Variants in PPM1B observed in about 807,000 individuals in gnomAD.
PPM1B encodes the protein protein phosphatase, Mg2+/Mn2+ dependent 1B, also known as protein phosphatase 1B.
PPM1B carries 22 observed loss-of-function variants against 43.0 expected under a neutral mutation model. That is an observed-to-expected ratio of 0.51 (90% CI 0.37 to 0.73). The LOEUF is 0.73. PPM1B is among the 30% of genes least tolerant of loss of function. The pLI is 0.00. For missense variants in PPM1B, 632 were observed against 584.2 expected, an observed-to-expected ratio of 1.08 and a Z score of -0.84; for synonymous variants, 217 against 197.9, an observed-to-expected ratio of 1.10 and a Z score of -0.81.
chr2:44,222,458 A>G (rs571045718), intron 5 of PPM1B, among the ~76,000 whole-genome samples: 17 of 152,362 alleles, frequency 1.1e-4, no homozygotes, highest in African/African-American at 4.1e-4. Flanking sequence ...TTGAATTAGT[A>G]TGCCACTGAT....
downstream of PPM1B, chr2:44,232,920 T>G (rs1230025521): frequency 1.0e-6 from 1 of 977,080 alleles, no homozygotes; most frequent in Non-Finnish European, 1.2e-6. Context: ...AATGTCCAAA[T>G]TGTAATGTTG....
At chr2:44,204,572 A>C (rs752355211) in intron 2 of PPM1B, among the ~76,000 whole-genome samples, 6 of 152,176 alleles carry the variant, frequency 3.9e-5, no homozygotes, top group Admixed American at 3.9e-4. Context: ...TAAGCCAAAC[A>C]CTATTCTAAA....
chr2:44,245,100 C>T (rs1434940791), downstream of PPM1B, among the ~76,000 whole-genome samples: 2 of 151,976 alleles, frequency 1.3e-5, no homozygotes, highest in African/African-American at 4.8e-5. Context: ...TTTCTAGGCG[C>T]TTTCACACCA....
intron 5 of PPM1B, among the ~76,000 whole-genome samples, chr2:44,228,534 C>T (rs1471222095): frequency 6.6e-6 from 1 of 152,084 alleles, no homozygotes; most frequent in Non-Finnish European, 1.5e-5. Flanking sequence ...AAAACATTGC[C>T]ATTTATTATA....
rs573231871 is a variant in PPM1B at position 44,215,187 on chromosome 2, T to TA, written c.965-2776dup. The stretch of plus-strand genomic sequence containing the variant: ...CTACAAATCAATTTAAGTTGGTACT[T>TA]AAAATGTAACTTCACAGTAGCTTAC... On this transcript the variant is annotated intron_variant, in intron 3 of 5. Transcript: ENST00000282412. Among the ~76,000 whole-genome samples, 1,033 of 152,330 alleles carry TA rather than the reference T, an allele frequency of 6.8e-3. 10 individuals are homozygous for TA. The highest frequency in any genetic ancestry group is 0.024 in the African/African-American group (980 of 41,576).
intron 2 of PPM1B, among the ~76,000 whole-genome samples, chr2:44,205,970 C>T (rs1053990182): frequency 1.3e-5 from 2 of 152,110 alleles, no homozygotes; most frequent in Non-Finnish European, 2.9e-5. Context: ...GAGCTGAGAT[C>T]GCGCCATTGC....
At chr2:44,174,975 C>T (rs182525226) in intron 1 of PPM1B, among the ~76,000 whole-genome samples, 1 of 152,332 alleles carries the variant, frequency 6.6e-6, no homozygotes, top group East Asian at 1.9e-4. Flanking sequence ...GAGGACATGA[C>T]TGGGCCTGGT....
intron 1 of PPM1B, among the ~76,000 whole-genome samples, chr2:44,178,566 C>T (rs1468585756): frequency 2.0e-5 from 3 of 151,458 alleles, no homozygotes; most frequent in Non-Finnish European, 4.4e-5. Flanking sequence ...TTCCTGGGTT[C>T]AAGCGATACT....
downstream of PPM1B, among the ~76,000 whole-genome samples, chr2:44,245,315 CCCTGAATG>C (rs139256533): frequency 0.14 from 21,620 of 152,012 alleles, 1,768 homozygotes; most frequent in South Asian, 0.24. Flanking sequence ...GCTGAGAAAA[CCCTGAATG>C]CCAGATGATC....
chr2:44,197,611 C>G (rs187514519), intron 1 of PPM1B, among the ~76,000 whole-genome samples: 24 of 152,148 alleles, frequency 1.6e-4, no homozygotes, highest in African/African-American at 5.8e-4. Context: ...ATTTATATAA[C>G]TATTATTTAT....
chr2:44,188,743 C>CTTCCTTCCTTCCTTCCTTCT (rs1399735033), intron 1 of PPM1B, among the ~76,000 whole-genome samples: 3 of 145,010 alleles, frequency 2.1e-5, no homozygotes, highest in Non-Finnish European at 4.6e-5. Flanking sequence ...TCCTTCTTTC[C>CTTCCTTCCTTCCTTCCTTCT]TTCCTTCCTT....
At chr2:44,213,008 G>A (rs1325640485) in intron 3 of PPM1B, among the ~76,000 whole-genome samples, 20 of 106,270 alleles carry the variant, frequency 1.9e-4, no homozygotes, top group East Asian at 1.0e-3. Context: ...GCAAGACTCC[G>A]TTTCCAAAAA....
intron 1 of PPM1B, among the ~76,000 whole-genome samples, chr2:44,173,715 G>A (rs767454906): frequency 2.6e-5 from 4 of 152,202 alleles, no homozygotes; most frequent in African/African-American, 7.2e-5. Flanking sequence ...GCCCGAGGTT[G>A]GTGAATCACT....
intron 1 of PPM1B, among the ~76,000 whole-genome samples, chr2:44,195,290 A>T (rs547460054): frequency 6.6e-6 from 1 of 151,350 alleles, no homozygotes; most frequent in South Asian, 2.1e-4. Flanking sequence ...TACAGCCTCA[A>T]TCTCTTGGGC....
chr2:44,232,293 T>A (rs372353995), downstream of PPM1B: 85 of 1,602,646 alleles, frequency 5.3e-5, no homozygotes, highest in African/African-American at 7.5e-4. Flanking sequence ...AATAATAATA[T>A]TCTTCCTTTT....
chr2:44,175,707 C>G (rs1667550696), intron 1 of PPM1B, among the ~76,000 whole-genome samples: 1 of 151,472 alleles, frequency 6.6e-6, no homozygotes, highest in South Asian at 2.1e-4. Context: ...AAGAGGTTTT[C>G]TGTAATTGGA....
At chr2:44,182,172 CTGTA>C (rs1253943353) in intron 1 of PPM1B, among the ~76,000 whole-genome samples, 1 of 152,190 alleles carries the variant, frequency 6.6e-6, no homozygotes, top group Non-Finnish European at 1.5e-5. Flanking sequence ...TCTGAAATGG[CTGTA>C]TGTTATATCG....
intron 5 of PPM1B, among the ~76,000 whole-genome samples, chr2:44,222,698 C>G (rs772290150): frequency 3.3e-5 from 5 of 152,186 alleles, no homozygotes; most frequent in Non-Finnish European, 5.9e-5. Flanking sequence ...AGTCTGACTC[C>G]TATTCTCTTT....
exon 6 of PPM1B, chr2:44,244,261 G>C (rs754832722): frequency 7.4e-7 from 1 of 1,357,170 alleles, no homozygotes; most frequent in Non-Finnish European, 9.8e-7. Flanking sequence ...CTGTAAACCT[G>C]CTGAGAGCTC....
Sources: gnomAD v4.1 joint callset for allele counts (sites outside exome capture counted in the v4.1 genomes callset) on GRCh38, gnomAD v4.1.1 for gene constraint, MANE v1.5 for transcripts, NCBI Gene and HGNC (gene_info 2026-07-23, HGNC 2026-07-21) for gene names.